FBXO38: variants seen among roughly 807,000 people sequenced by gnomAD.
The protein encoded by FBXO38 is F-box only protein 38.
FBXO38 carries 53 observed loss-of-function variants against 131.9 expected under a neutral mutation model. The observed-to-expected ratio is 0.40, with a 90% CI of 0.32 to 0.51. FBXO38 has a LOEUF of 0.51. Ranked by LOEUF, FBXO38 falls within the 20% of genes least tolerant of loss-of-function variation. The probability of loss-of-function intolerance (pLI) is 0.53; values close to 1 mark genes in which losing one functional copy is unlikely to be tolerated. For synonymous variants in FBXO38, 452 were observed against 505.6 expected (o/e 0.89, Z 1.42); for missense variants, 1,076 against 1,475.6 (o/e 0.73, Z 4.44).
At chr5:148,439,023 A>G (rs1386343312) in intron 18 of FBXO38, among the ~76,000 whole-genome samples, 1 of 152,178 alleles carries the variant, frequency 6.6e-6, no homozygotes, top group African/African-American at 2.4e-5. Flanking sequence ...CCTGGCCTCA[A>G]AAGAGTCAGT....
In FBXO38 at chr5:148,402,342, T is replaced by G; in HGVS notation, c.427-6T>G. The G allele has an allele frequency of 6.3e-7, 1 of 1,594,716 alleles. No homozygotes were observed. The highest frequency in any genetic ancestry group is 8.6e-7 in the Non-Finnish European group (1 of 1,168,940). ...TTCTTATGCTTGCTTTGGCATTATT[T>G]TCTAGGGTGTGGAAACTTCTCATTT... is the stretch of plus-strand genomic sequence containing the variant. On this transcript the variant is annotated splice_polypyrimidine_tract_variant and splice_region_variant and intron_variant, in intron 4 of 21. Coordinates refer to ENST00000340253, the MANE Select transcript of FBXO38 (RefSeq NM_205836.3).
Position 148,442,354 on chromosome 5 carries a change from A to G in FBXO38, c.*207A>G, listed in dbSNP as rs1349938711. On this transcript the variant is annotated 3_prime_UTR_variant, in exon 22 of 22. Coordinates refer to ENST00000340253, the MANE Select transcript of FBXO38 (RefSeq NM_205836.3). ...ACGCTTCCTAAAGTACCAACTTTAT[A>G]TCATATGTTTATACAATTTAATTTA... 5.1e-6 allele frequency: 2 copies of G among 389,288 alleles called. No homozygotes were observed. The highest frequency in any genetic ancestry group is 9.1e-6 in the Non-Finnish European group (2 of 219,964). 24.1% of individuals were successfully genotyped at this position (389,288 alleles called of 1,614,324 possible).
At chr5:148,390,908 T>TA (rs370971568) in intron 1 of FBXO38, among the ~76,000 whole-genome samples, 3 of 151,980 alleles carry the variant, frequency 2.0e-5, no homozygotes, top group African/African-American at 7.2e-5. Context: ...AAGAAGGGAT[T>TA]AAAAAAAAGC....
chr5:148,389,508 CT>C (rs1156257810), intron 1 of FBXO38, among the ~76,000 whole-genome samples: 2 of 152,214 alleles, frequency 1.3e-5, no homozygotes, highest in African/African-American at 4.8e-5. Context: ...GATAACTGGA[CT>C]TTCCCCTCCT....
chr5:148,421,439 T>C (rs1753424568), intron 12 of FBXO38, among the ~76,000 whole-genome samples: 1 of 152,196 alleles, frequency 6.6e-6, no homozygotes, highest in South Asian at 2.1e-4. Context: ...CAGGTAGTTG[T>C]CAACCACTAA....
In FBXO38 at chr5:148,427,766, G is replaced by C; in HGVS notation, c.2472G>C (p.Gly824=). 2 of 1,612,164 alleles carry C rather than the reference G, an allele frequency of 1.2e-6. No individual in the cohort carries two copies. The highest frequency in any genetic ancestry group is 2.2e-5 in the East Asian group (1 of 44,872). The change falls in exon 15 of 22, where the codon GGG becomes GGC. Residue 824 remains glycine, a synonymous_variant. Coordinates refer to ENST00000340253, the MANE Select transcript of FBXO38 (RefSeq NM_205836.3). Reference sequence around the variant, plus strand: ...CCTTTAGGACTCTGCCACAAGGGGGGTCTTCAGGCCCAGCACATGATGAGA... The same window carrying C: ...CCTTTAGGACTCTGCCACAAGGGGGCTCTTCAGGCCCAGCACATGATGAGA... The part of the protein sequence containing the change: ...AFSFRTLPQG[G]SSGPAHDERT...
At chr5:148,439,543 G>T in intron 18 of FBXO38, 104 bp from the exon 19 acceptor site, 2 of 1,068,762 alleles carry the variant, frequency 1.9e-6, no homozygotes, top group South Asian at 1.6e-5. Context: ...ATCAGCCAGA[G>T]ATTTCAAAAC....
rs550797375 is a variant in FBXO38, at chr5:148,422,171, C to T, written c.1619-1827C>T. On this transcript the variant is annotated intron_variant, in intron 12 of 21. Transcript: ENST00000340253. ...AACAACAAACCAAACAATATTGATACCTTACTCAAAACTTTTTAATAGCTT... is the reference window on the plus strand; with the variant it reads ...AACAACAAACCAAACAATATTGATATCTTACTCAAAACTTTTTAATAGCTT... Among the ~76,000 whole-genome samples, 22 of 152,150 alleles carry T rather than the reference C, an allele frequency of 1.4e-4. 1 individual carries two copies. The highest frequency in any genetic ancestry group is 5.1e-4 in the African/African-American group (21 of 41,496).
At chr5:148,411,822 C>CA (rs2113567878) in intron 9 of FBXO38, among the ~76,000 whole-genome samples, 1 of 152,282 alleles carries the variant, frequency 6.6e-6, no homozygotes, top group South Asian at 2.1e-4. Flanking sequence ...AAAATTAATA[C>CA]ATTTGATATC....
At chr5:148,396,763 G>C (rs933002229) in intron 2 of FBXO38, among the ~76,000 whole-genome samples, 2 of 152,060 alleles carry the variant, frequency 1.3e-5, no homozygotes, top group Admixed American at 6.6e-5. Context: ...ACACCACTGC[G>C]CTTGGCTAAT....
rs1201712780 is a variant in FBXO38 at position 148,399,265 on chromosome 5, ATTAT to A, written c.262+138_262+141del. ...TGTAGGCTGGCAAGATTTTGTCTAA[ATTAT>A]TTATGTTGGGTTTTAGGTTGTAAAA... On this transcript the variant is annotated intron_variant, in intron 3 of 21. Transcript: ENST00000340253. The A allele has an allele frequency of 5.1e-6, 5 of 973,000 alleles. No individual in the cohort carries two copies. In the African/African-American group the frequency reaches 8.2e-5, roughly 16 times the overall value. The allele number at this position is 973,000 out of a possible 1,614,324, so 60.3% of individuals were successfully genotyped here.
chr5:148,427,034 A>G (rs1753748504), intron 14 of FBXO38, among the ~76,000 whole-genome samples, 179 bp from the exon 15 acceptor site: 1 of 152,182 alleles, frequency 6.6e-6, no homozygotes, highest in Non-Finnish European at 1.5e-5. Flanking sequence ...AACCAGATAG[A>G]CACTAGGGAG....
rs1753574628 is a variant in FBXO38, at chr5:148,423,904, G to T, written c.1619-94G>T. The T allele has an allele frequency of 3.5e-6, 4 of 1,127,126 alleles. No homozygotes were observed. The Admixed American group carries it at 9.0e-5, about 25-fold the overall frequency. The allele number at this position is 1,127,126 out of a possible 1,614,324, so 69.8% of individuals were successfully genotyped here. A position where few individuals can be genotyped will look rare whatever the true frequency, so the allele number is the denominator to read the frequency against. ...TCAGGGCAGGCCTAGTAATCAGCGG[G>T]ACTGTTCAGTTCTTAGGGCGGCCAC... is the stretch of plus-strand genomic sequence containing the variant. On this transcript the variant is annotated intron_variant, in intron 12 of 21. Coordinates refer to ENST00000340253, the MANE Select transcript of FBXO38 (RefSeq NM_205836.3).
rs1253901134 is a variant in FBXO38 at position 148,427,592 on chromosome 5, A to C, written c.2298A>C (p.Gly766=). The change falls in exon 15 of 22, where the codon GGA becomes GGC. Residue 766 remains glycine, a synonymous_variant. Transcript: ENST00000340253. ...AGGACTCTGAGGCCATGGAGGAGGG[A>C]GATGCAGAGAGTTCTGTCTGCCCCA... is the stretch of plus-strand genomic sequence containing the variant. ...GSEDSEAMEE[G]DAESSVCPRC... 1 of 1,614,110 alleles carries C rather than the reference A, an allele frequency of 6.2e-7. No homozygotes were observed. Among genetic ancestry groups the C allele is most frequent in the South Asian group, 1.1e-5 (1 of 91,076 alleles).
chr5:148,407,184 A>G (rs900949224), intron 7 of FBXO38, among the ~76,000 whole-genome samples: 3 of 152,218 alleles, frequency 2.0e-5, no homozygotes, highest in East Asian at 3.8e-4. Flanking sequence ...GGATGAAACA[A>G]CCCCTTAAAA....
At chr5:148,386,869 C>A (rs1424553519) in intron 1 of FBXO38, among the ~76,000 whole-genome samples, 1 of 151,968 alleles carries the variant, frequency 6.6e-6, no homozygotes, top group Non-Finnish European at 1.5e-5. Context: ...AGCATTATAT[C>A]TAAAGTAATG....
chr5:148,396,631 A>G (rs571315760), intron 2 of FBXO38, among the ~76,000 whole-genome samples: 3 of 152,160 alleles, frequency 2.0e-5, no homozygotes. Context: ...AAAATTGGAC[A>G]ATATATAATA....
chr5:148,427,994 A>G (rs758575348), intron 15 of FBXO38, 47 bp downstream of exon 15: 6 of 1,442,236 alleles, frequency 4.2e-6, no homozygotes, highest in Non-Finnish European at 5.5e-6. Context: ...AGGGCTGCAG[A>G]AAGGCATGAA....
chr5:148,442,241 G>C lies in FBXO38; in HGVS notation c.*94G>C. ...CACAGGGACTTGAGGCATGCAGTTG[G>C]GAGGTCCTGGCTCGGTTTGCTATAT... On this transcript the variant is annotated 3_prime_UTR_variant, in exon 22 of 22. Coordinates refer to ENST00000340253, the MANE Select transcript of FBXO38 (RefSeq NM_205836.3). The C allele has an allele frequency of 2.5e-6, 3 of 1,191,666 alleles. No individual in the cohort carries two copies. The South Asian group carries it at 4.3e-5, about 17-fold the overall frequency. 73.8% of individuals were successfully genotyped at this position (1,191,666 alleles called of 1,614,324 possible). A position where few individuals can be genotyped will look rare whatever the true frequency, so the allele number is the denominator to read the frequency against.
Sources: gnomAD v4.1 joint callset for allele counts (sites outside exome capture counted in the v4.1 genomes callset) on GRCh38, gnomAD v4.1.1 for gene constraint, MANE v1.5 for transcripts, NCBI Gene and HGNC (gene_info 2026-07-23, HGNC 2026-07-21) for gene names.